The following HLCS variants were observed in gnomAD, a reference collection of about 807,000 sequenced individuals.
The protein encoded by HLCS is biotin--protein ligase.
HLCS carries 53 observed loss-of-function variants against 75.0 expected under a neutral mutation model. That is an observed-to-expected ratio of 0.71 (90% CI 0.57 to 0.89). The LOEUF (loss-of-function observed/expected upper bound fraction) is 0.89, where lower values mean the gene tolerates loss of function less well. HLCS is among the 40% of genes least tolerant of loss of function. HLCS has a pLI of 0.00. For missense variants in HLCS, 966 were observed against 1,074.0 expected, an observed-to-expected ratio of 0.90 and a Z score of 1.41; for synonymous variants, 431 against 428.6, an observed-to-expected ratio of 1.01 and a Z score of -0.07.
chr21:36,957,798 A>T (rs1229509372), intron 2 of HLCS, among the ~76,000 whole-genome samples: 2 of 151,578 alleles, frequency 1.3e-5, no homozygotes, highest in Non-Finnish European at 2.9e-5. Flanking sequence ...GCGTTGTGGC[A>T]CGCGCCTGCA....
intron 6 of HLCS, among the ~76,000 whole-genome samples, chr21:36,799,127 G>A (rs1196140171): frequency 6.6e-6 from 1 of 152,040 alleles, no homozygotes; most frequent in Non-Finnish European, 1.5e-5. Context: ...TATATTCTCT[G>A]AGAAGCTTAA....
Position 36,768,034 on chromosome 21 carries a change from A to C in HLCS, c.1893-749T>G, listed in dbSNP as rs1281812804. 3.3e-5 allele frequency among the ~76,000 whole-genome samples: 5 copies of C among 152,242 alleles called. No individual in the cohort carries two copies. The South Asian group carries it at 1.0e-3, about 32-fold the overall frequency. On this transcript the variant is annotated intron_variant, in intron 6 of 10. Transcript: ENST00000674895. ...AAATCACACAAAAACTCCCACTCTG[A>C]GAATTTCCTGCAAGCTGCGCTCTCC... is the stretch of plus-strand genomic sequence containing the variant.
At chr21:36,872,390 CAAAA>C (rs374943958) in intron 6 of HLCS, among the ~76,000 whole-genome samples, 1 of 85,396 alleles carries the variant, frequency 1.2e-5, no homozygotes, top group Non-Finnish European at 2.7e-5. Flanking sequence ...GCCTCTGTCT[CAAAA>C]AAAAAAAAAA....
At chr21:36,766,805 G>C (rs1452244493) in intron 7 of HLCS, among the ~76,000 whole-genome samples, 1 of 152,160 alleles carries the variant, frequency 6.6e-6, no homozygotes, top group Non-Finnish European at 1.5e-5. Context: ...GCCCAGCCCA[G>C]GGCCAGCTGG....
At position 36,801,277 on chromosome 21, in the gene HLCS, TG is replaced by T. The variant is rs561466284; in HGVS notation, c.1893-33993del. On this transcript the variant is annotated intron_variant, in intron 6 of 10. Coordinates refer to ENST00000674895, the MANE Select transcript of HLCS (RefSeq NM_001352514.2). ...CGCAAGTAACTTTTCAACCTGCAAC[TG>T]ACCGCTAGAAATTGATTTTAGTAGT... Among the ~76,000 whole-genome samples, 575 of 152,326 alleles carry T rather than the reference TG, an allele frequency of 3.8e-3. 4 individuals are homozygous for T. Among genetic ancestry groups the T allele is most frequent in the Non-Finnish European group, 4.0e-3 (271 of 68,014 alleles).
At chr21:36,769,365 A>T (rs1483157123) in intron 6 of HLCS, among the ~76,000 whole-genome samples, 2 of 152,218 alleles carry the variant, frequency 1.3e-5, no homozygotes, top group East Asian at 3.8e-4. Context: ...ACAGTCAACA[A>T]AGCAGCATTT....
intron 6 of HLCS, among the ~76,000 whole-genome samples, chr21:36,893,557 T>A (rs2064881638): frequency 6.6e-6 from 1 of 152,162 alleles, no homozygotes; most frequent in Non-Finnish European, 1.5e-5. Flanking sequence ...TGGAAGACAG[T>A]TTGTCCATGG....
At chr21:36,986,572 C>T (rs1017391857) in intron 1 of HLCS, among the ~76,000 whole-genome samples, 16 of 152,348 alleles carry the variant, frequency 1.1e-4, no homozygotes, top group Admixed American at 2.0e-4. Flanking sequence ...GCATGTACCA[C>T]CATGCCCAGC....
At chr21:36,965,934 G>GTTTTGT (rs1209418401) in intron 1 of HLCS, among the ~76,000 whole-genome samples, 2 of 151,904 alleles carry the variant, frequency 1.3e-5, no homozygotes, top group South Asian at 2.1e-4. Context: ...TTTTTGTTTT[G>GTTTTGT]TTTTTTGTAG....
chr21:36,869,498 A>G (rs542985273), intron 6 of HLCS, among the ~76,000 whole-genome samples: 3 of 152,260 alleles, frequency 2.0e-5, no homozygotes, highest in South Asian at 2.1e-4. Flanking sequence ...AGAGATTTTC[A>G]TTTTCAAACC....
chr21:36,949,716 G>A (rs2067582297), intron 2 of HLCS, among the ~76,000 whole-genome samples: 1 of 152,144 alleles, frequency 6.6e-6, no homozygotes, highest in South Asian at 2.1e-4. Context: ...GTCCCTAAAT[G>A]GGCATGCTCC....
chr21:36,863,121 T>C (rs2146198483), intron 6 of HLCS, among the ~76,000 whole-genome samples: 1 of 152,158 alleles, frequency 6.6e-6, no homozygotes, highest in South Asian at 2.1e-4. Context: ...GTATGTTCAG[T>C]CATAAATATG....
rs1568956523 is a variant in HLCS, at chr21:36,754,374, AC to A, written c.2493del (p.Ser832ProfsTer21). 1 of 1,613,924 alleles carries A rather than the reference AC, an allele frequency of 6.2e-7. No individual in the cohort carries two copies. Reference protein sequence around the residue: ...VHLGSAEGPKVSIVGLDDSGF... With the variant: ...VHLGSAEGPKXSIVGLDDSGF... ...CCAGAATCGTCCAGGCCAACGATGG[AC>A]ACCTTTGGTCCCTCTGCGCTGCCCA... On this transcript the variant is annotated frameshift_variant, in exon 11 of 11. Coordinates refer to ENST00000674895, the MANE Select transcript of HLCS (RefSeq NM_001352514.2). LOFTEE classifies it high-confidence loss of function.
chr21:36,962,101 C>T lies in HLCS; in HGVS notation c.265G>A (p.Ala89Thr), dbSNP rs1421325350. The T allele has an allele frequency of 4.7e-6, 6 of 1,288,986 alleles. No homozygotes were observed. The highest frequency in any genetic ancestry group is 6.1e-6 in the Non-Finnish European group (6 of 988,168). 79.8% of individuals were successfully genotyped at this position (1,288,986 alleles called of 1,614,324 possible). Residue 89 changes from alanine (A) to threonine (T), a missense_variant, in exon 2 of 11, where the codon GCA becomes ACA. Coordinates refer to ENST00000674895, the MANE Select transcript of HLCS (RefSeq NM_001352514.2). Reference protein sequence around the residue: ...SPFILEAEHIAFVTESIWVQS... With the variant: ...SPFILEAEHITFVTESIWVQS... ...ACCCAAATGCTCTCCGTCACAAATG[C>T]TATGTGTTCTGCTTCAAGTATAAAA...
At chr21:36,820,854 A>ACC (rs1342905371) in intron 6 of HLCS, among the ~76,000 whole-genome samples, 3 of 152,114 alleles carry the variant, frequency 2.0e-5, no homozygotes, top group Admixed American at 2.0e-4. Flanking sequence ...CTTTTCGATG[A>ACC]CCCCAAAAGC....
intron 6 of HLCS, among the ~76,000 whole-genome samples, chr21:36,770,675 A>G (rs747092256): frequency 3.3e-5 from 5 of 150,938 alleles, no homozygotes; most frequent in Admixed American, 2.0e-4. Context: ...GGCTCAAGGG[A>G]TCCTCCCACC....
At chr21:36,917,275 T>C (rs1299532243) in intron 5 of HLCS, among the ~76,000 whole-genome samples, 1 of 152,112 alleles carries the variant, frequency 6.6e-6, no homozygotes, top group Non-Finnish European at 1.5e-5. Context: ...AAGAACACCT[T>C]TTAGCTTTTG....
chr21:36,902,986 T>A (rs1041939488), intron 5 of HLCS, among the ~76,000 whole-genome samples: 1 of 152,024 alleles, frequency 6.6e-6, no homozygotes, highest in Non-Finnish European at 1.5e-5. Flanking sequence ...ATATGAGTGA[T>A]CCTGTTGGGG....
intron 6 of HLCS, among the ~76,000 whole-genome samples, chr21:36,896,012 A>G (rs2064996835): frequency 6.6e-6 from 1 of 152,226 alleles, no homozygotes. Flanking sequence ...ACCTGCAGTA[A>G]GAGTAAATTT....
Sources: allele counts gnomAD v4.1 joint callset (sites outside exome capture counted in the v4.1 genomes callset), GRCh38; gene constraint gnomAD v4.1.1; transcripts MANE v1.5; gene names NCBI Gene and HGNC (gene_info 2026-07-23, HGNC 2026-07-21).